C15orf61: variants seen among roughly 807,000 people sequenced by gnomAD.
C15orf61 encodes the protein uncharacterized protein C15orf61.
C15orf61 carries 12 observed loss-of-function variants against 13.7 expected under a neutral mutation model. The observed-to-expected ratio is 0.88, with a 90% CI of 0.56 to 1.42. The LOEUF (loss-of-function observed/expected upper bound fraction) is 1.42. C15orf61 is among the 40% of genes most tolerant of loss of function. The probability of loss-of-function intolerance (pLI) is 0.00; values close to 1 mark genes in which losing one functional copy is unlikely to be tolerated. For missense variants in C15orf61, 248 were observed against 213.2 expected, an observed-to-expected ratio of 1.16 and a Z score of -1.02; for synonymous variants, 92 against 94.1, an observed-to-expected ratio of 0.98 and a Z score of 0.13.
chr15:67,526,634 G>T lies in C15orf61; in HGVS notation c.*89G>T. On this transcript the variant is annotated 3_prime_UTR_variant, in exon 2 of 2. Transcript: ENST00000342683. Reference sequence around the variant, plus strand: ...TTTGATCCTTTAAAATAAAACTTTTGCAAATACTTTTTTCTTTCTACAGTA... The same window carrying T: ...TTTGATCCTTTAAAATAAAACTTTTTCAAATACTTTTTTCTTTCTACAGTA... 1 of 1,277,126 alleles carries T rather than the reference G, an allele frequency of 7.8e-7. No homozygotes were observed. Among genetic ancestry groups the T allele is most frequent in the Non-Finnish European group, 1.0e-6 (1 of 974,902 alleles). 79.1% of individuals were successfully genotyped at this position (1,277,126 alleles called of 1,614,324 possible). A position where few individuals can be genotyped will look rare whatever the true frequency, so the allele number is the denominator to read the frequency against.
In C15orf61 at chr15:67,526,876, T is replaced by C. The variant is rs185741438; in HGVS notation, c.*331T>C. The C allele has an allele frequency of 1.2e-5, 2 of 165,992 alleles. No individual in the cohort carries two copies. The highest frequency in any genetic ancestry group is 2.0e-4 in the South Asian group (1 of 4,948). The allele number at this position is 165,992 out of a possible 1,614,324, so 10.3% of individuals were successfully genotyped here. A position where few individuals can be genotyped will look rare whatever the true frequency, so the allele number is the denominator to read the frequency against. On this transcript the variant is annotated 3_prime_UTR_variant, in exon 2 of 2. Coordinates refer to ENST00000342683, the MANE Select transcript of C15orf61 (RefSeq NM_001143936.2). ...TTAAATCAACTCTGAAGAGAAAATA[T>C]AGATGCCCACACAAAAGAGAAGGGG...
chr15:67,522,867 T>A (rs2084176271), intron 1 of C15orf61, among the ~76,000 whole-genome samples: 1 of 152,206 alleles, frequency 6.6e-6, no homozygotes, highest in Non-Finnish European at 1.5e-5. Context: ...TTTTTTTCCT[T>A]TAAAGTCACA....
intron 1 of C15orf61, among the ~76,000 whole-genome samples, chr15:67,526,182 G>T (rs964364414): frequency 3.3e-5 from 5 of 152,106 alleles, no homozygotes; most frequent in African/African-American, 1.2e-4. Context: ...TGAAGTACTC[G>T]AATTAACATT....
At chr15:67,526,269 G>C in intron 1 of C15orf61, 149 bp from the exon 2 acceptor site, 2 of 544,732 alleles carry the variant, frequency 3.7e-6, no homozygotes, top group Non-Finnish European at 6.2e-6. Context: ...ATGAAATTGA[G>C]CTCTTAGATA....
In C15orf61 at chr15:67,521,317, C is replaced by A; in HGVS notation, c.69C>A (p.Arg23=). ...RLLLCRPWAS[R]AAARPKPSAS... ...TGCTGTGTAGGCCGTGGGCCTCGCG[C>A]GCCGCCGCCCGCCCCAAGCCCAGCG... is the stretch of plus-strand genomic sequence containing the variant. Residue 23 remains arginine (R), a synonymous_variant, in exon 1 of 2, where the codon CGC becomes CGA. Coordinates refer to ENST00000342683, the MANE Select transcript of C15orf61 (RefSeq NM_001143936.2). 1 of 1,526,308 alleles carries A rather than the reference C, an allele frequency of 6.6e-7. No individual in the cohort carries two copies. Among genetic ancestry groups the A allele is most frequent in the Non-Finnish European group, 8.8e-7 (1 of 1,141,624 alleles). 94.5% of individuals were successfully genotyped at this position (1,526,308 alleles called of 1,614,324 possible).
In C15orf61 at chr15:67,527,366, G is replaced by C. The variant is rs1453089848; in HGVS notation, c.*821G>C. On this transcript the variant is annotated 3_prime_UTR_variant, in exon 2 of 2. Transcript: ENST00000342683. Reference sequence around the variant, plus strand: ...ATAAGGAGTGGGCTGAAATTTTAAAGACCTAATGGCACTTTTGCATTTGAA... The same window carrying C: ...ATAAGGAGTGGGCTGAAATTTTAAACACCTAATGGCACTTTTGCATTTGAA... 2 of 152,106 alleles carry C rather than the reference G, an allele frequency of 1.3e-5. No homozygotes were observed. The highest frequency in any genetic ancestry group is 4.8e-5 in the African/African-American group (2 of 41,426). 9.4% of individuals were successfully genotyped at this position (152,106 alleles called of 1,614,324 possible). A position where few individuals can be genotyped will look rare whatever the true frequency, so the allele number is the denominator to read the frequency against.
rs1430589142 is a variant in C15orf61 at position 67,528,981 on chromosome 15, C to G, written c.*2436C>G. On this transcript the variant is annotated 3_prime_UTR_variant, in exon 2 of 2. Transcript: ENST00000342683. Reference sequence around the variant, plus strand: ...GCATTGATAGCACATGCCCACTAACCCTGAAGTGGCATGTGGGGAGCTGAA... The same window carrying G: ...GCATTGATAGCACATGCCCACTAACGCTGAAGTGGCATGTGGGGAGCTGAA... The G allele has an allele frequency of 6.6e-6, 1 of 152,068 alleles. No homozygotes were observed. The highest frequency in any genetic ancestry group is 2.4e-5 in the African/African-American group (1 of 41,388). 9.4% of individuals were successfully genotyped at this position (152,068 alleles called of 1,614,324 possible). A position where few individuals can be genotyped will look rare whatever the true frequency, so the allele number is the denominator to read the frequency against.
chr15:67,522,243 G>A (rs1261215913), intron 1 of C15orf61: 1 of 700,656 alleles, frequency 1.4e-6, no homozygotes, highest in Non-Finnish European at 2.6e-6. Flanking sequence ...GAAGAGGGAG[G>A]TACGAACATG....
chr15:67,521,923 A>G (rs1391961162), intron 1 of C15orf61: 2 of 677,598 alleles, frequency 3.0e-6, no homozygotes, highest in South Asian at 1.6e-5. Context: ...AACGCCCCCT[A>G]GAAAGTGGCT....
At chr15:67,524,043 A>AT (rs1200167921) in intron 1 of C15orf61, among the ~76,000 whole-genome samples, 5 of 152,170 alleles carry the variant, frequency 3.3e-5, no homozygotes, top group African/African-American at 9.6e-5. Context: ...TGTATTTGTG[A>AT]TTTTTCAAAA....
rs895200902 is a variant in C15orf61, at chr15:67,528,532, T to A, written c.*1987T>A. On this transcript the variant is annotated 3_prime_UTR_variant, in exon 2 of 2. Coordinates refer to ENST00000342683, the MANE Select transcript of C15orf61 (RefSeq NM_001143936.2). ...ATGGGTAAAGGCGTGGTTTAAAAATTTAAATATCATTCATTGGATTTATTA... is the reference window on the plus strand; with the variant it reads ...ATGGGTAAAGGCGTGGTTTAAAAATATAAATATCATTCATTGGATTTATTA... 6.6e-6 allele frequency: 1 copy of A among 152,204 alleles called. No individual in the cohort carries two copies. Among genetic ancestry groups the A allele is most frequent in the African/African-American group, 2.4e-5 (1 of 41,458 alleles). The allele number at this position is 152,204 out of a possible 1,614,324, so 9.4% of individuals were successfully genotyped here.
intron 1 of C15orf61, among the ~76,000 whole-genome samples, chr15:67,523,166 C>T (rs1483890640): frequency 6.6e-6 from 1 of 152,030 alleles, no homozygotes; most frequent in African/African-American, 2.4e-5. Context: ...ACTTTTTGCT[C>T]ATGCATGCTT....
chr15:67,521,802 C>T, intron 1 of C15orf61: 1 of 634,636 alleles, frequency 1.6e-6, no homozygotes, highest in South Asian at 2.0e-5. Flanking sequence ...AAGCCGTTCG[C>T]CTGCTGCGGG....
At position 67,525,740 on chromosome 15, in the gene C15orf61, C is replaced by T. The variant is rs184296640; in HGVS notation, c.347-678C>T. 9.9e-4 allele frequency among the ~76,000 whole-genome samples: 151 copies of T among 152,260 alleles called. 4 individuals carry two copies. In the South Asian group the frequency reaches 0.016, roughly 17 times the overall value. On this transcript the variant is annotated intron_variant, in intron 1 of 1. Coordinates refer to ENST00000342683, the MANE Select transcript of C15orf61 (RefSeq NM_001143936.2). The surrounding 1 kb of genome is among the most constrained non-coding windows in gnomAD (Gnocchi z 4.9). ...TTAAAGAACAGTAATGTTGGCCGGG[C>T]GCGGTGGCTCACACCTGTAATCCCA...
intron 1 of C15orf61, among the ~76,000 whole-genome samples, chr15:67,522,558 T>G (rs1157379044): frequency 1.3e-5 from 2 of 152,240 alleles, no homozygotes; most frequent in African/African-American, 4.8e-5. Context: ...TCCACTGGAC[T>G]GTCCTGTAAG....
intron 1 of C15orf61, among the ~76,000 whole-genome samples, chr15:67,523,560 A>T (rs1204351469): frequency 6.6e-6 from 1 of 152,192 alleles, no homozygotes; most frequent in Non-Finnish European, 1.5e-5. Context: ...GCAACTTACC[A>T]TTGGAATGAA....
intron 1 of C15orf61, chr15:67,521,975 C>T: frequency 1.4e-6 from 1 of 693,444 alleles, no homozygotes; most frequent in South Asian, 1.5e-5. Context: ...GGACTCATTC[C>T]CGTGAACATC....
chr15:67,523,505 C>T (rs2084180889), intron 1 of C15orf61, among the ~76,000 whole-genome samples: 1 of 152,054 alleles, frequency 6.6e-6, no homozygotes, highest in Non-Finnish European at 1.5e-5. Context: ...TGATGGTTTA[C>T]CAGTCTAGGT....
rs759853524 is a variant in C15orf61 at position 67,521,330 on chromosome 15, C to T, written c.82C>T (p.Pro28Ser). The change falls in exon 1 of 2, where the codon CCC becomes TCC. Residue 28 changes from proline (P) to serine (S), a missense_variant. By Grantham distance (74) the Pro-to-Ser change is moderately conservative. Transcript: ENST00000342683. ...GTGGGCCTCGCGCGCCGCCGCCCGC[C>T]CCAAGCCCAGCGCCTCGGAGGTGCT... ...RPWASRAAAR[P>S]KPSASEVLTR... 8 of 1,533,374 alleles carry T rather than the reference C, an allele frequency of 5.2e-6. No individual in the cohort carries two copies. The highest frequency in any genetic ancestry group is 6.1e-6 in the Non-Finnish European group (7 of 1,144,832). 95.0% of individuals were successfully genotyped at this position (1,533,374 alleles called of 1,614,324 possible).
Sources: gnomAD v4.1 joint callset for allele counts (sites outside exome capture counted in the v4.1 genomes callset) on GRCh38, gnomAD v4.1.1 for gene constraint, Gnocchi (gnomAD v3.1) non-coding constraint, MANE v1.5 for transcripts, NCBI Gene and HGNC (gene_info 2026-07-23, HGNC 2026-07-21) for gene names.